Variants in IL1RAPL1 observed in about 807,000 individuals in gnomAD.
IL1RAPL1 encodes the protein interleukin-1 receptor accessory protein-like 1.
In IL1RAPL1, 3 loss-of-function variants were observed where a neutral mutation model predicts 48.4. The observed-to-expected ratio is 0.06, with a 90% CI of 0.03 to 0.16. IL1RAPL1 has a LOEUF of 0.16. Among genes scored for constraint, IL1RAPL1 ranks in the 10% least tolerant of loss-of-function variants. The probability of loss-of-function intolerance (pLI) is 1.00; values close to 1 mark genes in which losing one functional copy is unlikely to be tolerated. For synonymous variants in IL1RAPL1, 185 were observed against 187.7 expected, an observed-to-expected ratio of 0.99 and a Z score of 0.12; for missense variants, 349 against 530.6, an observed-to-expected ratio of 0.66 and a Z score of 3.36.
intron 5 of IL1RAPL1, among the ~76,000 whole-genome samples, chrX:29,546,602 T>A (rs1221373219): frequency 8.9e-6 from 1 of 111,891 alleles, no homozygotes; most frequent in Non-Finnish European, 1.9e-5. Flanking sequence ...AAATTCTTCC[T>A]GTCATTTTTC....
intron 2 of IL1RAPL1, among the ~76,000 whole-genome samples, chrX:29,226,428 AT>A (rs1172628276): frequency 4.4e-5 from 4 of 91,785 alleles, no homozygotes; most frequent in African/African-American, 1.6e-4. Flanking sequence ...TTGCTTCATC[AT>A]TTTTTTCTTT....
At chrX:28,964,133 G>T (rs1007381859) in intron 2 of IL1RAPL1, among the ~76,000 whole-genome samples, 1 of 111,163 alleles carries the variant, frequency 9.0e-6, no homozygotes, top group Non-Finnish European at 1.9e-5. Flanking sequence ...ATAGATGTGA[G>T]TGGTTAAAAA....
At chrX:28,963,740 C>T (rs1924848296) in intron 2 of IL1RAPL1, among the ~76,000 whole-genome samples, 1 of 110,877 alleles carries the variant, frequency 9.0e-6, no homozygotes, top group Non-Finnish European at 1.9e-5. Flanking sequence ...ATTCCAGAAC[C>T]TCTATAATTC....
chrX:29,532,025 G>A (rs1402987010), intron 5 of IL1RAPL1, among the ~76,000 whole-genome samples: 1 of 111,602 alleles, frequency 9.0e-6, no homozygotes, highest in Non-Finnish European at 1.9e-5. Flanking sequence ...ACATATCTTC[G>A]CGGGGAGAGG....
intron 2 of IL1RAPL1, among the ~76,000 whole-genome samples, chrX:29,001,108 C>G (rs760125971): frequency 9.0e-6 from 1 of 111,394 alleles, no homozygotes; most frequent in African/African-American, 3.3e-5. Flanking sequence ...AAGGTTTTCT[C>G]CTTAACAACA....
intron 5 of IL1RAPL1, among the ~76,000 whole-genome samples, chrX:29,403,858 C>G (rs1934023806): frequency 8.9e-6 from 1 of 111,973 alleles, no homozygotes; most frequent in African/African-American, 3.2e-5. Flanking sequence ...TAACCTGTGC[C>G]CATGTGGGAA....
intron 2 of IL1RAPL1, among the ~76,000 whole-genome samples, chrX:28,812,931 A>T (rs1156990598): frequency 9.0e-6 from 1 of 110,938 alleles, no homozygotes; most frequent in Non-Finnish European, 1.9e-5. Context: ...TTTCTGTATT[A>T]ACATACTTGT....
intron 5 of IL1RAPL1, among the ~76,000 whole-genome samples, chrX:29,571,091 G>A (rs1335081563): frequency 1.8e-5 from 2 of 110,685 alleles, no homozygotes; most frequent in African/African-American, 3.3e-5. Context: ...ACGTGGTGGC[G>A]GGCGCCTATA....
intron 2 of IL1RAPL1, among the ~76,000 whole-genome samples, chrX:29,045,950 C>CTTCTCCTTCT (rs1181964737): frequency 1.4e-5 from 1 of 72,244 alleles, no homozygotes; most frequent in Non-Finnish European, 2.5e-5. Context: ...CTTCCTCCTC[C>CTTCTCCTTCT]TCCTCCTCCT....
intron 1 of IL1RAPL1, among the ~76,000 whole-genome samples, chrX:28,616,642 C>T (rs140984543): frequency 0.015 from 1,714 of 111,070 alleles, 30 homozygotes; most frequent in East Asian, 0.1. Context: ...CCATCTTGGC[C>T]AGGCTTGACT....
chrX:29,271,087 C>T (rs1932034214), intron 2 of IL1RAPL1, among the ~76,000 whole-genome samples: 1 of 111,685 alleles, frequency 9.0e-6, no homozygotes, highest in Middle Eastern at 4.6e-3. Context: ...ATGTTTAGCT[C>T]CCACTTTATA....
intron 6 of IL1RAPL1, among the ~76,000 whole-genome samples, chrX:29,899,606 C>T (rs896213904): frequency 2.8e-5 from 3 of 107,168 alleles, no homozygotes; most frequent in East Asian, 2.9e-4. Context: ...TGCAGTGGCG[C>T]GATCTCGGCT....
chrX:29,223,087 CTA>C (rs753705255), intron 2 of IL1RAPL1, among the ~76,000 whole-genome samples: 82 of 111,231 alleles, frequency 7.4e-4, no homozygotes, highest in African/African-American at 2.6e-3. Flanking sequence ...GTAATATTTT[CTA>C]TATGTTATAG....
At chrX:29,102,885 A>G (rs745772588) in intron 2 of IL1RAPL1, among the ~76,000 whole-genome samples, 1 of 111,526 alleles carries the variant, frequency 9.0e-6, no homozygotes, top group African/African-American at 3.2e-5. Flanking sequence ...TACAATAGCT[A>G]CAAATAAAAT....
chrX:29,366,312 T>C lies in IL1RAPL1; in HGVS notation c.363-29946T>C, dbSNP rs370021217. Among the ~76,000 whole-genome samples the C allele has an allele frequency of 1.4e-4, 15 of 110,145 alleles. 1 individual carries two copies. The highest frequency in any genetic ancestry group is 4.9e-4 in the African/African-American group (15 of 30,398). ...GTAGTTTGGGATAACTGTATGCTGATAGATTTTGTGTTTTTAAAAACTACT... is the reference window on the plus strand; with the variant it reads ...GTAGTTTGGGATAACTGTATGCTGACAGATTTTGTGTTTTTAAAAACTACT... On this transcript the variant is annotated intron_variant, in intron 3 of 10. Transcript: ENST00000378993.
intron 5 of IL1RAPL1, among the ~76,000 whole-genome samples, chrX:29,633,481 A>G (rs776639657): frequency 6.4e-5 from 7 of 108,542 alleles, no homozygotes; most frequent in Non-Finnish European, 1.1e-4. Flanking sequence ...ACACACACAC[A>G]CACACACACA....
In IL1RAPL1 at chrX:29,235,664, AC is replaced by A. The variant is rs747992417; in HGVS notation, c.83-47273del. Among the ~76,000 whole-genome samples the A allele has an allele frequency of 3.6e-5, 4 of 112,255 alleles. No homozygotes were observed. In the Admixed American group the frequency reaches 3.8e-4, roughly 11 times the overall value. On this transcript the variant is annotated intron_variant, in intron 2 of 10. Transcript: ENST00000378993. ...ACATTGGAAAACTGATTTTAAAAAA[AC>A]AACTTGCAAAATTTCATCAAATGAG... is the stretch of plus-strand genomic sequence containing the variant.
rs529366182 is a variant in IL1RAPL1 at position 29,077,608 on chromosome X, GAAAAAAA to G, written c.83-205322_83-205316del. ...ACAGAAAAAGACTCTGTCTCAAAAAGAAAAAAAAAAAAAAGAAAAAGAAAACCGAAAA... is the reference window on the plus strand; with the variant it reads ...ACAGAAAAAGACTCTGTCTCAAAAAGAAAAAAAGAAAAAGAAAACCGAAAA... On this transcript the variant is annotated intron_variant, in intron 2 of 10. Transcript: ENST00000378993. Among the ~76,000 whole-genome samples, 8 of 41,435 alleles carry G rather than the reference GAAAAAAA, an allele frequency of 1.9e-4. No individual in the cohort carries two copies. In the South Asian group the frequency reaches 4.0e-3, roughly 21 times the overall value. 36.0% of individuals were successfully genotyped at this position (41,435 alleles called of 115,157 possible). A position where few individuals can be genotyped will look rare whatever the true frequency, so the allele number is the denominator to read the frequency against.
intron 2 of IL1RAPL1, among the ~76,000 whole-genome samples, chrX:29,090,179 TTATC>T (rs1239260704): frequency 9.0e-6 from 1 of 111,063 alleles, no homozygotes; most frequent in Non-Finnish European, 1.9e-5. Flanking sequence ...TAACTCCTAT[TTATC>T]AGTAAAATAG....
Sources: gnomAD v4.1 joint callset for allele counts (sites outside exome capture counted in the v4.1 genomes callset) on GRCh38, gnomAD v4.1.1 for gene constraint, MANE v1.5 for transcripts, NCBI Gene and HGNC (gene_info 2026-07-23, HGNC 2026-07-21) for gene names.